RIMKLB: variants seen among roughly 807,000 people sequenced by gnomAD.
The protein encoded by RIMKLB is beta-citrylglutamate synthase B.
RIMKLB carries 7 observed loss-of-function variants against 32.0 expected under a neutral mutation model. The observed-to-expected ratio is 0.22, with a 90% CI of 0.12 to 0.41. The LOEUF (loss-of-function observed/expected upper bound fraction) is 0.41. Among genes scored for constraint, RIMKLB ranks in the 10% least tolerant of loss-of-function variants. RIMKLB has a pLI of 1.00. For synonymous variants in RIMKLB, 172 were observed against 185.1 expected (o/e 0.93, Z 0.57); for missense variants, 289 against 498.7 (o/e 0.58, Z 4.00).
intron 1 of RIMKLB, among the ~76,000 whole-genome samples, chr12:8,683,645 G>A (rs754629209): frequency 1.3e-5 from 2 of 152,150 alleles, no homozygotes; most frequent in Non-Finnish European, 2.9e-5. Context: ...TAAATAATAT[G>A]CCTTTTCCAG....
chr12:8,753,242 A>G (rs750282396), intron 4 of RIMKLB, among the ~76,000 whole-genome samples: 5 of 152,238 alleles, frequency 3.3e-5, no homozygotes, highest in African/African-American at 1.2e-4. Flanking sequence ...AATCTGTATG[A>G]CCTTTTATGG....
chr12:8,750,170 A>T, intron 3 of RIMKLB, 78 bp downstream of exon 3: 1 of 840,606 alleles, frequency 1.2e-6, no homozygotes, highest in Non-Finnish European at 2.0e-6. Flanking sequence ...CAGACATGAA[A>T]GAACACCTTA....
the RIMKLB span, among the ~76,000 whole-genome samples, chr12:8,676,158 G>A: frequency 6.8e-6 from 1 of 147,700 alleles, no homozygotes; most frequent in Non-Finnish European, 1.5e-5. Flanking sequence ...CTGCAGCCTC[G>A]ACCTCCTGGG....
chr12:8,748,559 C>CAT (rs72006146), intron 2 of RIMKLB, among the ~76,000 whole-genome samples: 71,639 of 125,386 alleles, frequency 0.57, 18,648 homozygotes, highest in South Asian at 0.62. Flanking sequence ...TGTGTGTGTG[C>CAT]ATATATATAT....
intron 5 of RIMKLB, among the ~76,000 whole-genome samples, chr12:8,756,801 C>G (rs1448925496): frequency 6.9e-6 from 1 of 144,958 alleles, no homozygotes; most frequent in Non-Finnish European, 1.5e-5. Flanking sequence ...AAGCAATTCT[C>G]GTGCCTCAGC....
At chr12:8,738,581 T>C (rs1947224693) in intron 2 of RIMKLB, among the ~76,000 whole-genome samples, 1 of 152,240 alleles carries the variant, frequency 6.6e-6, no homozygotes. Context: ...ATTCATTATT[T>C]CATAAGACTT....
At chr12:8,705,687 C>T (rs185006448) in intron 1 of RIMKLB, among the ~76,000 whole-genome samples, 28 of 152,160 alleles carry the variant, frequency 1.8e-4, no homozygotes, top group Admixed American at 1.0e-3. Context: ...TAATTGTATA[C>T]GTATTTTAAG....
chr12:8,718,659 A>ATGTGTGTGTGTGTGTGTGTGTGTGTGTG (rs1213938637), intron 2 of RIMKLB, among the ~76,000 whole-genome samples: 2 of 119,386 alleles, frequency 1.7e-5, no homozygotes, highest in Admixed American at 8.2e-5. Context: ...CTCTCTATAT[A>ATGTGTGTGTGTGTGTGTGTGTGTGTGTG]TATATATATA....
intron 1 of RIMKLB, among the ~76,000 whole-genome samples, chr12:8,690,207 T>G (rs939165895): frequency 2.6e-5 from 4 of 152,224 alleles, no homozygotes; most frequent in Non-Finnish European, 4.4e-5. Flanking sequence ...AAAATCCATT[T>G]ATGACTTAAA....
rs376834465 is a variant in RIMKLB, at chr12:8,703,114, C to T, written c.-57+4817C>T. 4.6e-5 allele frequency among the ~76,000 whole-genome samples: 7 copies of T among 152,102 alleles called. No homozygotes were observed. In the South Asian group the frequency reaches 8.3e-4, roughly 18 times the overall value. On this transcript the variant is annotated intron_variant, in intron 1 of 5. Transcript: ENST00000535829. The stretch of plus-strand genomic sequence containing the variant: ...CAGCCTGGCCAACATGGCGAAAACC[C>T]ATGTCTACTAAAAATACAAAAATTA...
intron 2 of RIMKLB, among the ~76,000 whole-genome samples, chr12:8,726,539 G>A (rs2137193003): frequency 6.6e-6 from 1 of 152,122 alleles, no homozygotes; most frequent in Non-Finnish European, 1.5e-5. Context: ...CTTTTGGTTA[G>A]TGTAGCATGG....
At chr12:8,728,795 TTG>T (rs1565585675) in intron 2 of RIMKLB, among the ~76,000 whole-genome samples, 6 of 149,884 alleles carry the variant, frequency 4.0e-5, no homozygotes, top group African/African-American at 1.2e-4. Context: ...GTGTTTTTGT[TTG>T]TTTGTTTGTT....
chr12:8,725,998 C>G (rs1239786672), intron 2 of RIMKLB, among the ~76,000 whole-genome samples: 1 of 152,200 alleles, frequency 6.6e-6, no homozygotes, highest in African/African-American at 2.4e-5. Flanking sequence ...CAGGCATGTG[C>G]CATCATGCCC....
rs770657482 is a variant in RIMKLB, at chr12:8,713,782, CT to C, written c.-56-25del. ...AAATCAAGTAGATTTCTTGATTTAC[CT>C]TTTATGTATATTTTTTCTTCCATCT... On this transcript the variant is annotated intron_variant, in intron 1 of 5. Transcript: ENST00000535829. 6.1e-6 allele frequency: 8 copies of C among 1,314,140 alleles called. No homozygotes were observed. The South Asian group carries it at 9.6e-5, about 16-fold the overall frequency. 81.4% of individuals were successfully genotyped at this position (1,314,140 alleles called of 1,614,324 possible). A position where few individuals can be genotyped will look rare whatever the true frequency, so the allele number is the denominator to read the frequency against.
At chr12:8,722,663 C>T (rs12830029) in intron 2 of RIMKLB, among the ~76,000 whole-genome samples, 8 of 152,228 alleles carry the variant, frequency 5.3e-5, no homozygotes, top group African/African-American at 7.2e-5. Flanking sequence ...TAGAGGGCAT[C>T]TTCTTCCAGC....
In RIMKLB at chr12:8,744,553, T is replaced by G. The variant is rs550821066; in HGVS notation, c.176-5309T>G. On this transcript the variant is annotated intron_variant, in intron 2 of 5. Transcript: ENST00000535829. ...GATGACTCAAGCTTTTCTCAAAATT[T>G]AATCTTCTTGTTTTGTTTCTTTCAT... 4.2e-4 allele frequency among the ~76,000 whole-genome samples: 64 copies of G among 151,032 alleles called. No individual in the cohort carries two copies. In the South Asian group the frequency reaches 8.9e-3, roughly 21 times the overall value.
intron 5 of RIMKLB, among the ~76,000 whole-genome samples, chr12:8,761,889 G>A (rs1468949328): frequency 2.0e-5 from 3 of 152,134 alleles, no homozygotes; most frequent in East Asian, 1.9e-4. Context: ...CATTAACATC[G>A]GAGCATGGGC....
chr12:8,750,502 A>G (rs757155208), intron 3 of RIMKLB, among the ~76,000 whole-genome samples: 5 of 152,304 alleles, frequency 3.3e-5, no homozygotes, highest in African/African-American at 1.2e-4. Flanking sequence ...AGATAATTCT[A>G]ATTTTATGAC....
intron 2 of RIMKLB, among the ~76,000 whole-genome samples, chr12:8,728,881 C>T (rs1946287007): frequency 6.6e-6 from 1 of 152,068 alleles, no homozygotes; most frequent in Non-Finnish European, 1.5e-5. Context: ...AAATGTTCCA[C>T]CTGCCTCTGA....
Sources: gnomAD v4.1 joint callset for allele counts (sites outside exome capture counted in the v4.1 genomes callset) on GRCh38, gnomAD v4.1.1 for gene constraint, MANE v1.5 for transcripts, NCBI Gene and HGNC (gene_info 2026-07-23, HGNC 2026-07-21) for gene names.